The following TTC7B variants were observed in gnomAD, a reference collection of about 807,000 sequenced individuals.
TTC7B encodes the protein tetratricopeptide repeat domain 7B, also known as tetratricopeptide repeat protein 7B.
Under a neutral mutation model 106.8 loss-of-function variants are expected in TTC7B, and 28 were observed. The observed-to-expected ratio is 0.26, with a 90% CI of 0.19 to 0.36. The LOEUF (loss-of-function observed/expected upper bound fraction) is 0.36, where lower values mean the gene tolerates loss of function less well. Among genes scored for constraint, TTC7B ranks in the 10% least tolerant of loss-of-function variants. The probability of loss-of-function intolerance (pLI) is 1.00; values close to 1 mark genes in which losing one functional copy is unlikely to be tolerated. For missense variants in TTC7B, 862 were observed against 1,076.4 expected (o/e 0.80, Z 2.79); for synonymous variants, 405 against 430.6 (o/e 0.94, Z 0.74).
chr14:90,735,234 G>A (rs1027774322), intron 4 of TTC7B, among the ~76,000 whole-genome samples: 3 of 152,160 alleles, frequency 2.0e-5, no homozygotes, highest in Non-Finnish European at 4.4e-5. Flanking sequence ...GGCCAGGCAC[G>A]GTGGCTCACG....
chr14:90,686,723 T>C (rs1595281534), intron 7 of TTC7B, among the ~76,000 whole-genome samples: 1 of 152,224 alleles, frequency 6.6e-6, no homozygotes, highest in South Asian at 2.1e-4. Context: ...CAACTCTATT[T>C]ATAATAGCAT....
intron 19 of TTC7B, among the ~76,000 whole-genome samples, chr14:90,553,143 C>A (rs1391986451): frequency 6.6e-6 from 1 of 152,174 alleles, no homozygotes; most frequent in Non-Finnish European, 1.5e-5. Flanking sequence ...CCTCTCAGAG[C>A]ACTGGGGGGA....
At chr14:90,778,897 C>A (rs1891120468) in intron 3 of TTC7B, among the ~76,000 whole-genome samples, 1 of 152,216 alleles carries the variant, frequency 6.6e-6, no homozygotes, top group Admixed American at 6.5e-5. Context: ...ACCCCCTTCA[C>A]AAAGCTCTTA....
chr14:90,603,310 A>C (rs763305901), intron 17 of TTC7B: 2 of 1,287,194 alleles, frequency 1.6e-6, no homozygotes, highest in South Asian at 2.5e-5. Flanking sequence ...TTGCCTTGGA[A>C]CAACAGATCA....
At chr14:90,766,914 C>T (rs1890701054) in intron 3 of TTC7B, 3 of 1,541,450 alleles carry the variant, frequency 1.9e-6, no homozygotes, top group Admixed American at 3.4e-5. Flanking sequence ...ACTCCTGGGG[C>T]CTTCATGTCC....
intron 19 of TTC7B, among the ~76,000 whole-genome samples, chr14:90,555,273 C>T (rs1477096960): frequency 6.6e-6 from 1 of 152,206 alleles, no homozygotes; most frequent in South Asian, 2.1e-4. Flanking sequence ...ATGAGAGTGA[C>T]GCAGCCGACT....
At position 90,724,340 on chromosome 14, in the gene TTC7B, G is replaced by A. The variant is rs77633331; in HGVS notation, c.698+5735C>T. The stretch of plus-strand genomic sequence containing the variant: ...ACTTTGTCTCTTCTCTTCACCACTC[G>A]TCCCCACAACCTAATGTAGGCCCTG... On this transcript the variant is annotated intron_variant, in intron 5 of 19. Coordinates refer to ENST00000328459, the MANE Select transcript of TTC7B (RefSeq NM_001010854.2). Among the ~76,000 whole-genome samples the A allele has an allele frequency of 1.8e-3, 280 of 152,056 alleles. 6 individuals carry two copies. In the East Asian group the frequency reaches 0.044, roughly 24 times the overall value.
At chr14:90,586,736 C>A (rs1156763904) in intron 18 of TTC7B, among the ~76,000 whole-genome samples, 1 of 152,174 alleles carries the variant, frequency 6.6e-6, no homozygotes, top group East Asian at 1.9e-4. Context: ...GAAATGTAGA[C>A]CGGAACATCC....
At chr14:90,790,405 G>A (rs936047547) in intron 1 of TTC7B, among the ~76,000 whole-genome samples, 3 of 151,996 alleles carry the variant, frequency 2.0e-5, no homozygotes, top group Non-Finnish European at 4.4e-5. Flanking sequence ...CTTCTTTTCT[G>A]TATATTTTTA....
intron 9 of TTC7B, chr14:90,675,884 T>C (rs1054444699): frequency 1.3e-5 from 2 of 152,142 alleles, no homozygotes; most frequent in Non-Finnish European, 2.9e-5. Flanking sequence ...TGGTAGAATT[T>C]GATATTTTGG....
intron 3 of TTC7B, 26 bp downstream of exon 3, chr14:90,780,712 A>C: frequency 6.2e-7 from 1 of 1,604,916 alleles, no homozygotes; most frequent in Non-Finnish European, 8.5e-7. Context: ...GTCACGGGAC[A>C]CTGTGTTAGA....
chr14:90,618,847 T>A (rs1360236810), intron 15 of TTC7B, among the ~76,000 whole-genome samples: 1 of 152,226 alleles, frequency 6.6e-6, no homozygotes, highest in Non-Finnish European at 1.5e-5. Context: ...TCCTTCCTGG[T>A]GTTCTTCCTG....
At chr14:90,601,028 TC>T (rs1272335093) in intron 17 of TTC7B, among the ~76,000 whole-genome samples, 1 of 152,124 alleles carries the variant, frequency 6.6e-6, no homozygotes, top group Admixed American at 6.5e-5. Context: ...CTGGACACAC[TC>T]CCCAACTTCT....
chr14:90,578,189 G>A lies in TTC7B; in HGVS notation c.2227C>T (p.Arg743Trp), dbSNP rs199934670. 4.0e-5 allele frequency: 64 copies of A among 1,613,910 alleles called. No homozygotes were observed. The highest frequency in any genetic ancestry group is 5.2e-5 in the Non-Finnish European group (61 of 1,180,008). ...CGCCGCGCCTCGTCCATGCTTCCCC[G>A]GAGCTCAGCAATCTGGCCGCGCATG... ...LYMRGQIAEL[R>W]GSMDEARRWY... Residue 743 changes from arginine to tryptophan, a missense_variant, in exon 19 of 20, where the codon CGG (arginine) becomes TGG (tryptophan). Arg to Trp is a moderately radical substitution (Grantham distance 101). Coordinates refer to ENST00000328459, the MANE Select transcript of TTC7B (RefSeq NM_001010854.2). The surrounding 1 kb of genome is among the most constrained non-coding windows in gnomAD (Gnocchi z 4.7).
At chr14:90,635,441 C>T (rs1475969755) in intron 15 of TTC7B, among the ~76,000 whole-genome samples, 2 of 151,982 alleles carry the variant, frequency 1.3e-5, no homozygotes, top group Non-Finnish European at 2.9e-5. Context: ...ATTCCAGATA[C>T]CATAAGCCTG....
intron 3 of TTC7B, among the ~76,000 whole-genome samples, chr14:90,758,907 G>C (rs1360782357): frequency 1.3e-5 from 2 of 152,198 alleles, no homozygotes; most frequent in Non-Finnish European, 2.9e-5. Context: ...GGAGGTAAGG[G>C]ACAAGTGCTT....
At chr14:90,572,844 C>T (rs1410582983) in intron 19 of TTC7B, among the ~76,000 whole-genome samples, 1 of 152,178 alleles carries the variant, frequency 6.6e-6, no homozygotes, top group Non-Finnish European at 1.5e-5. Context: ...CTGCCAAATG[C>T]TTCCCATGCT....
At position 90,680,332 on chromosome 14, in the gene TTC7B, C is replaced by T. The variant is rs536509051; in HGVS notation, c.1014+140G>A. On this transcript the variant is annotated intron_variant, in intron 8 of 19. Transcript: ENST00000328459. ...AAACAACCCTCTTTTTAAACCTCTA[C>T]TGTTTTTTCCCATCCAGGTATACCC... 1.7e-4 allele frequency: 105 copies of T among 626,142 alleles called. No homozygotes were observed. The African/African-American group carries it at 1.7e-3, about 10-fold the overall frequency. 38.8% of individuals were successfully genotyped at this position (626,142 alleles called of 1,614,324 possible). A position where few individuals can be genotyped will look rare whatever the true frequency, so the allele number is the denominator to read the frequency against.
chr14:90,775,227 T>C (rs1267599582), intron 3 of TTC7B, among the ~76,000 whole-genome samples: 1 of 152,074 alleles, frequency 6.6e-6, no homozygotes, highest in Non-Finnish European at 1.5e-5. Context: ...AGGCCAATCA[T>C]TTGTGGTCAA....
Sources: allele counts gnomAD v4.1 joint callset (sites outside exome capture counted in the v4.1 genomes callset), GRCh38; gene constraint gnomAD v4.1.1; non-coding constraint Gnocchi (gnomAD v3.1); transcripts MANE v1.5; gene names NCBI Gene and HGNC (gene_info 2026-07-23, HGNC 2026-07-21).